Variants in SLC16A7 observed in about 807,000 individuals in gnomAD.
SLC16A7 encodes the protein solute carrier family 16 member 7.
SLC16A7 carries 33 observed loss-of-function variants against 34.9 expected under a neutral mutation model. That is an observed-to-expected ratio of 0.94 (90% CI 0.72 to 1.26). SLC16A7 has a LOEUF of 1.26. Among genes scored for constraint, SLC16A7 ranks in the 50% most tolerant of loss-of-function variants. The probability of loss-of-function intolerance (pLI) is 0.00; values close to 1 mark genes in which losing one functional copy is unlikely to be tolerated. For missense variants in SLC16A7, 573 were observed against 578.1 expected (o/e 0.99, Z 0.09); for synonymous variants, 201 against 206.6 (o/e 0.97, Z 0.23).
intron 2 of SLC16A7, among the ~76,000 whole-genome samples, chr12:59,671,559 G>T (rs909864775): frequency 4.0e-5 from 6 of 151,580 alleles, no homozygotes; most frequent in Non-Finnish European, 8.8e-5. Context: ...TCCTGTACTT[G>T]TTTGGAAGCT....
chr12:59,767,771 T>A (rs1029483761), intron 3 of SLC16A7, among the ~76,000 whole-genome samples: 2 of 152,072 alleles, frequency 1.3e-5, no homozygotes, highest in Admixed American at 1.3e-4. Context: ...TGCCTGCTAA[T>A]ACAACATTCA....
At chr12:59,611,216 A>C (rs976248010) in intron 1 of SLC16A7, among the ~76,000 whole-genome samples, 1 of 152,224 alleles carries the variant, frequency 6.6e-6, no homozygotes, top group Non-Finnish European at 1.5e-5. Flanking sequence ...TAATTGACTC[A>C]CAGTTCTGCA....
At chr12:59,628,176 G>A (rs1300440464) in intron 1 of SLC16A7, among the ~76,000 whole-genome samples, 1 of 151,676 alleles carries the variant, frequency 6.6e-6, no homozygotes, top group East Asian at 1.9e-4. Context: ...CCTCAAAGCA[G>A]TTTTACTAAA....
At chr12:59,722,953 A>G (rs1333014279) in intron 3 of SLC16A7, among the ~76,000 whole-genome samples, 4 of 151,918 alleles carry the variant, frequency 2.6e-5, no homozygotes, top group Non-Finnish European at 5.9e-5. Flanking sequence ...TGAGAAAGGA[A>G]CTGAATTTTT....
chr12:59,647,959 G>A (rs1437917098), intron 1 of SLC16A7, among the ~76,000 whole-genome samples: 1 of 152,064 alleles, frequency 6.6e-6, no homozygotes, highest in Non-Finnish European at 1.5e-5. Context: ...AGGCTGAGGT[G>A]GGAGGATCAC....
chr12:59,765,747 A>G (rs1356132547), intron 3 of SLC16A7, among the ~76,000 whole-genome samples: 1 of 152,154 alleles, frequency 6.6e-6, no homozygotes, highest in Non-Finnish European at 1.5e-5. Flanking sequence ...CTTGTAGTAT[A>G]GTTTGAAGTC....
Position 59,783,563 on chromosome 12 carries a change from GT to G in SLC16A7, c.*3887del, listed in dbSNP as rs1883396809. 1 of 151,824 alleles carries G rather than the reference GT, an allele frequency of 6.6e-6. No homozygotes were observed. The highest frequency in any genetic ancestry group is 2.1e-4 in the South Asian group (1 of 4,828). 9.4% of individuals were successfully genotyped at this position (151,824 alleles called of 1,614,324 possible). ...ACATCCTATATAGTAAAACAATTAG[GT>G]TTAACTGTAACTTGTATTATGATTT... On this transcript the variant is annotated 3_prime_UTR_variant, in exon 6 of 6. Coordinates refer to ENST00000547379, the MANE Select transcript of SLC16A7 (RefSeq NM_001270623.2).
chr12:59,761,251 CT>C, intron 3 of SLC16A7: 1 of 762,888 alleles, frequency 1.3e-6, no homozygotes, highest in Non-Finnish European at 1.9e-6. Flanking sequence ...ATTTAGATTT[CT>C]TTTTTCATCT....
At chr12:59,687,859 T>C (rs1194573566) in intron 2 of SLC16A7, among the ~76,000 whole-genome samples, 1 of 152,104 alleles carries the variant, frequency 6.6e-6, no homozygotes, top group Non-Finnish European at 1.5e-5. Flanking sequence ...TTACATTCCA[T>C]TGGCAAAAGG....
In SLC16A7 at chr12:59,614,852, A is replaced by AT. The variant is rs1199935863; in HGVS notation, c.-130+18616_-130+18617insT. ...AAAAAAAAAAAAAAAAAAAAAAAAA[A>AT]ATTAGCCAGGCGTGGTGGTGGGCAC... On this transcript the variant is annotated intron_variant, in intron 1 of 5. Transcript: ENST00000547379. 2.0e-3 allele frequency among the ~76,000 whole-genome samples: 291 copies of AT among 148,148 alleles called. 4 individuals are homozygous for AT. Among genetic ancestry groups the AT allele is most frequent in the Non-Finnish European group, 3.7e-3 (245 of 66,938 alleles).
chr12:59,708,845 T>C (rs1873891863), intron 3 of SLC16A7, among the ~76,000 whole-genome samples: 1 of 151,604 alleles, frequency 6.6e-6, no homozygotes, highest in Non-Finnish European at 1.5e-5. Flanking sequence ...GCAGGAAGGA[T>C]GGAAAAGAAT....
At chr12:59,667,845 G>A (rs1714455673) in intron 2 of SLC16A7, among the ~76,000 whole-genome samples, 1 of 152,176 alleles carries the variant, frequency 6.6e-6, no homozygotes, top group African/African-American at 2.4e-5. Flanking sequence ...CCCGGACGGG[G>A]TCCGTGCCCC....
At chr12:59,738,071 A>G (rs567134924) in intron 3 of SLC16A7, among the ~76,000 whole-genome samples, 7 of 152,270 alleles carry the variant, frequency 4.6e-5, no homozygotes, top group African/African-American at 1.7e-4. Context: ...ATGCATTCTC[A>G]TGGTGCTTTA....
At chr12:59,731,346 CAGTT>C (rs1205422052) in intron 3 of SLC16A7, among the ~76,000 whole-genome samples, 4 of 152,116 alleles carry the variant, frequency 2.6e-5, no homozygotes, top group African/African-American at 9.7e-5. Context: ...AACAATTTAT[CAGTT>C]AGAGAAGGAT....
Position 59,704,952 on chromosome 12 carries a change from T to G in SLC16A7, c.151T>G (p.Phe51Val). The change falls in exon 3 of 6, where the codon TTC becomes GTC. Residue 51 changes from phenylalanine to valine, a missense_variant. Coordinates refer to ENST00000547379, the MANE Select transcript of SLC16A7 (RefSeq NM_001270623.2). ...ATTCTTCAAAGAAATTCAGCAAATATTCCACACTACCTACAGTGAAATAGC... is the reference window on the plus strand; with the variant it reads ...ATTCTTCAAAGAAATTCAGCAAATAGTCCACACTACCTACAGTGAAATAGC... The part of the protein sequence containing the change: ...TVFFKEIQQI[F>V]HTTYSEIAWI... The G allele has an allele frequency of 1.2e-6, 2 of 1,613,832 alleles. No homozygotes were observed. The highest frequency in any genetic ancestry group is 1.7e-6 in the Non-Finnish European group (2 of 1,179,776).
Position 59,703,957 on chromosome 12 carries a change from A to T in SLC16A7, c.-30-815A>T, listed in dbSNP as rs192950491. On this transcript the variant is annotated intron_variant, in intron 2 of 5. Coordinates refer to ENST00000547379, the MANE Select transcript of SLC16A7 (RefSeq NM_001270623.2). ...TGGCTCACACCCGTAATCCCAACAC[A>T]TTGGGAGGCTGAGGTGGGTGGATCA... 1.4e-3 allele frequency among the ~76,000 whole-genome samples: 213 copies of T among 151,958 alleles called. 1 individual carries two copies. The highest frequency in any genetic ancestry group is 6.8e-3 in the Middle Eastern group (2 of 294).
At chr12:59,653,238 A>G (rs17122783) in intron 1 of SLC16A7, among the ~76,000 whole-genome samples, 11,885 of 151,848 alleles carry the variant, frequency 0.078, 590 homozygotes, top group African/African-American at 0.13. Flanking sequence ...CGTTGTTAAA[A>G]GAAATTTTTA....
At chr12:59,634,394 G>A (rs1880323329) in intron 1 of SLC16A7, among the ~76,000 whole-genome samples, 1 of 152,062 alleles carries the variant, frequency 6.6e-6, no homozygotes, top group South Asian at 2.1e-4. Flanking sequence ...ATCACCATAG[G>A]TATGGGAAAC....
At chr12:59,746,275 A>G (rs1565690443) in intron 3 of SLC16A7, among the ~76,000 whole-genome samples, 1 of 152,258 alleles carries the variant, frequency 6.6e-6, no homozygotes, top group Non-Finnish European at 1.5e-5. Context: ...TCTGGCTTTC[A>G]GGCTTGATTG....
Sources: allele counts gnomAD v4.1 joint callset (sites outside exome capture counted in the v4.1 genomes callset), GRCh38; gene constraint gnomAD v4.1.1; transcripts MANE v1.5; gene names NCBI Gene and HGNC (gene_info 2026-07-23, HGNC 2026-07-21).